The following MAGI2 variants were observed in gnomAD, a reference collection of about 807,000 sequenced individuals.
MAGI2 encodes the protein membrane-associated guanylate kinase, WW and PDZ domain-containing protein 2.
MAGI2 carries 35 observed loss-of-function variants against 133.3 expected under a neutral mutation model. The ratio of observed to expected loss-of-function variants is 0.26; its 90% CI spans 0.20 to 0.35. The LOEUF is 0.35. Ranked by LOEUF, MAGI2 falls within the 10% of genes least tolerant of loss-of-function variation. The pLI is 1.00. For missense variants in MAGI2, 1,636 were observed against 1,863.4 expected, an observed-to-expected ratio of 0.88 and a Z score of 2.25; for synonymous variants, 729 against 710.6, an observed-to-expected ratio of 1.03 and a Z score of -0.41.
intron 1 of MAGI2, among the ~76,000 whole-genome samples, chr7:79,363,304 T>A (rs1380692860): frequency 6.7e-6 from 1 of 148,616 alleles, no homozygotes; most frequent in Non-Finnish European, 1.5e-5. Context: ...GATCTTCCAA[T>A]ACACGAACAG....
intron 1 of MAGI2, among the ~76,000 whole-genome samples, chr7:79,075,842 A>C (rs1394824915): frequency 4.6e-5 from 7 of 152,188 alleles, no homozygotes; most frequent in Admixed American, 4.6e-4. Context: ...TTTCTAAAAC[A>C]GGAAGGGATA....
chr7:78,062,063 A>AT (rs916576105), intron 21 of MAGI2, among the ~76,000 whole-genome samples: 9 of 152,202 alleles, frequency 5.9e-5, no homozygotes, highest in African/African-American at 1.4e-4. Context: ...AGAGTGCGAC[A>AT]TTTTTTTGTT....
chr7:78,517,714 G>A (rs1796157118), intron 4 of MAGI2, among the ~76,000 whole-genome samples: 1 of 152,070 alleles, frequency 6.6e-6, no homozygotes, highest in African/African-American at 2.4e-5. Flanking sequence ...AAGGCAATGT[G>A]TGACAGAGGG....
chr7:78,707,667 G>A (rs1254592301), intron 2 of MAGI2, among the ~76,000 whole-genome samples: 8 of 152,068 alleles, frequency 5.3e-5, no homozygotes, highest in Non-Finnish European at 1.0e-4. Flanking sequence ...TACTCTGGGT[G>A]ATTTGCATTC....
At chr7:78,966,671 A>G (rs1248539098) in intron 2 of MAGI2, among the ~76,000 whole-genome samples, 1 of 152,046 alleles carries the variant, frequency 6.6e-6, no homozygotes, top group African/African-American at 2.4e-5. Flanking sequence ...TTTGATTTCA[A>G]TTCTTTTGGA....
rs1792580578 is a variant in MAGI2 at position 78,846,113 on chromosome 7, G to A, written c.418+160977C>T. 4.0e-5 allele frequency among the ~76,000 whole-genome samples: 6 copies of A among 151,704 alleles called. No individual in the cohort carries two copies. In the South Asian group the frequency reaches 1.2e-3, roughly 31 times the overall value. On this transcript the variant is annotated intron_variant, in intron 2 of 21. Transcript: ENST00000354212. ...TTAATATAATATGCCATTTTGACAA[G>A]GTACCATGATGTGTTTACATTTGTC...
At chr7:78,781,836 C>T (rs2151342474) in intron 2 of MAGI2, among the ~76,000 whole-genome samples, 1 of 152,256 alleles carries the variant, frequency 6.6e-6, no homozygotes, top group East Asian at 1.9e-4. Context: ...GAAGAGGTCA[C>T]TGTAAGAAAT....
At chr7:78,264,392 T>G (rs770753975) in intron 9 of MAGI2, among the ~76,000 whole-genome samples, 2 of 152,188 alleles carry the variant, frequency 1.3e-5, no homozygotes, top group Non-Finnish European at 2.9e-5. Flanking sequence ...CTCAGCTTAT[T>G]ATCGGTCAGA....
chr7:79,015,748 G>T (rs931420217), intron 1 of MAGI2, among the ~76,000 whole-genome samples: 3 of 152,114 alleles, frequency 2.0e-5, no homozygotes, highest in African/African-American at 7.2e-5. Flanking sequence ...CCACCTATAA[G>T]TCTTTTCATT....
intron 10 of MAGI2, among the ~76,000 whole-genome samples, chr7:78,237,546 G>A (rs1172583324): frequency 1.3e-5 from 2 of 152,146 alleles, no homozygotes; most frequent in East Asian, 3.8e-4. Context: ...CCAAATGAAT[G>A]AGGTCTAAAA....
intron 2 of MAGI2, among the ~76,000 whole-genome samples, chr7:78,720,621 C>T (rs941338592): frequency 6.6e-6 from 1 of 151,686 alleles, no homozygotes; most frequent in Non-Finnish European, 1.5e-5. Flanking sequence ...TACAGGACAC[C>T]ACCATATACA....
chr7:78,468,538 A>G (rs1028923970), intron 6 of MAGI2, among the ~76,000 whole-genome samples: 15 of 152,154 alleles, frequency 9.9e-5, no homozygotes, highest in Non-Finnish European at 1.3e-4. Flanking sequence ...AAATTATTTC[A>G]CAATGTCTGT....
At chr7:78,885,415 T>G (rs956664822) in intron 2 of MAGI2, among the ~76,000 whole-genome samples, 3 of 152,196 alleles carry the variant, frequency 2.0e-5, no homozygotes, top group Non-Finnish European at 4.4e-5. Flanking sequence ...TTAATGATGC[T>G]CCACGATGAT....
At chr7:79,451,941 T>A (rs1849290949) in intron 1 of MAGI2, among the ~76,000 whole-genome samples, 1 of 152,206 alleles carries the variant, frequency 6.6e-6, no homozygotes, top group African/African-American at 2.4e-5. Context: ...ATTCAAACTT[T>A]TATCTCACTC....
intron 2 of MAGI2, among the ~76,000 whole-genome samples, chr7:78,913,855 C>G (rs1185794551): frequency 6.6e-6 from 1 of 152,086 alleles, no homozygotes; most frequent in East Asian, 1.9e-4. Context: ...ATGCATTATG[C>G]AAAGTCTATT....
intron 3 of MAGI2, among the ~76,000 whole-genome samples, chr7:78,578,024 GA>G (rs1802444188): frequency 1.4e-5 from 2 of 138,216 alleles, no homozygotes; most frequent in Non-Finnish European, 3.1e-5. Flanking sequence ...TTATCACTGT[GA>G]AAAAGACCAA....
At chr7:78,886,490 C>T (rs996591755) in intron 2 of MAGI2, among the ~76,000 whole-genome samples, 2 of 152,104 alleles carry the variant, frequency 1.3e-5, no homozygotes, top group Non-Finnish European at 2.9e-5. Context: ...TGAGAAATCC[C>T]TGCAATGTGC....
chr7:78,484,866 G>C (rs1792814160), intron 6 of MAGI2: 1 of 151,964 alleles, frequency 6.6e-6, no homozygotes, highest in South Asian at 2.1e-4. Context: ...GGCTCCCAAA[G>C]ATTAAGTACC....
At chr7:78,824,620 TTG>T (rs896046049) in intron 2 of MAGI2, among the ~76,000 whole-genome samples, 19 of 118,400 alleles carry the variant, frequency 1.6e-4, no homozygotes, top group South Asian at 3.2e-4. Flanking sequence ...TTTGATGGGG[TTG>T]TTTTTTTTCT....
Sources: allele counts gnomAD v4.1 joint callset (sites outside exome capture counted in the v4.1 genomes callset), GRCh38; gene constraint gnomAD v4.1.1; transcripts MANE v1.5; gene names NCBI Gene and HGNC (gene_info 2026-07-23, HGNC 2026-07-21).